The following LIN28B variants were observed in gnomAD, a reference collection of about 807,000 sequenced individuals.
LIN28B encodes lin-28 RNA binding posttranscriptional regulator B, also known as protein lin-28 homolog B.
Under a neutral mutation model 21.9 loss-of-function variants are expected in LIN28B, and 5 were observed. The observed-to-expected ratio is 0.23, with a 90% CI of 0.12 to 0.48. The LOEUF (loss-of-function observed/expected upper bound fraction) is 0.48. Among genes scored for constraint, LIN28B ranks in the 20% least tolerant of loss-of-function variants. The pLI, the probability that LIN28B is intolerant of heterozygous loss-of-function variation, is 0.98. For synonymous variants in LIN28B, 109 were observed against 111.3 expected (o/e 0.98, Z 0.13); for missense variants, 245 against 310.5 (o/e 0.79, Z 1.58).
chr6:105,067,304 C>T (rs993324887), intron 3 of LIN28B, among the ~76,000 whole-genome samples: 8 of 152,162 alleles, frequency 5.3e-5, no homozygotes, highest in African/African-American at 1.9e-4. Context: ...GATCTTGCTT[C>T]CAACAAGGAT....
intron 2 of LIN28B, among the ~76,000 whole-genome samples, chr6:104,989,590 T>G (rs529923554): frequency 4.9e-5 from 7 of 142,476 alleles, no homozygotes; most frequent in South Asian, 2.3e-4. Flanking sequence ...TTTTTTTTTT[T>G]TTTTTTTTTT....
rs1042214725 is a variant in LIN28B at position 104,982,487 on chromosome 6, A to G, written c.198+24201A>G. Among the ~76,000 whole-genome samples, 3 of 152,190 alleles carry G rather than the reference A, an allele frequency of 2.0e-5. No homozygotes were observed. The East Asian group carries it at 5.8e-4, about 29-fold the overall frequency. On this transcript the variant is annotated intron_variant, in intron 2 of 3. Transcript: ENST00000345080. ...AAAAGTTGTTAAATAAGTTTGGGAA[A>G]TTCTTGGCTATACAAAATTCAATCC...
chr6:104,982,313 C>CA (rs146674332), intron 2 of LIN28B, among the ~76,000 whole-genome samples: 29,263 of 125,388 alleles, frequency 0.23, 3,013 homozygotes, highest in East Asian at 0.29. Flanking sequence ...GACTTCATCT[C>CA]AAAAAAAAAA....
chr6:105,048,353 A>G (rs1197621771), intron 3 of LIN28B, among the ~76,000 whole-genome samples: 1 of 152,226 alleles, frequency 6.6e-6, no homozygotes, highest in Admixed American at 6.5e-5. Flanking sequence ...CCAGCCTTGC[A>G]TCCCAGGGAT....
At chr6:104,980,833 T>C (rs968455381) in intron 2 of LIN28B, among the ~76,000 whole-genome samples, 1 of 152,156 alleles carries the variant, frequency 6.6e-6, no homozygotes, top group Non-Finnish European at 1.5e-5. Flanking sequence ...ACTCATTTTA[T>C]CAGCAGAGCC....
intron 2 of LIN28B, among the ~76,000 whole-genome samples, chr6:105,015,865 C>T (rs1771016306): frequency 2.0e-5 from 3 of 152,060 alleles, no homozygotes; most frequent in Non-Finnish European, 2.9e-5. Context: ...TAAAATTTCA[C>T]ATGGAGAGGA....
At chr6:104,975,681 T>G (rs1770075658) in intron 2 of LIN28B, among the ~76,000 whole-genome samples, 1 of 151,808 alleles carries the variant, frequency 6.6e-6, no homozygotes, top group South Asian at 2.1e-4. Context: ...CAAGACCTTG[T>G]TCTGTCTCCC....
chr6:104,984,767 A>C (rs534244581), intron 2 of LIN28B, among the ~76,000 whole-genome samples: 2 of 152,368 alleles, frequency 1.3e-5, no homozygotes, highest in Admixed American at 1.3e-4. Context: ...AAAGTAAAAC[A>C]ACAAAGACAA....
At chr6:104,982,255 G>A (rs62419610) in intron 2 of LIN28B, among the ~76,000 whole-genome samples, 538 of 151,816 alleles carry the variant, frequency 3.5e-3, no homozygotes, top group Middle Eastern at 0.024. Context: ...CAGAGGTTGC[G>A]GTGATCTGAG....
intron 2 of LIN28B, among the ~76,000 whole-genome samples, chr6:105,024,821 A>G (rs1038861278): frequency 6.6e-6 from 1 of 152,318 alleles, no homozygotes; most frequent in Admixed American, 6.5e-5. Context: ...AGCTGCCTTT[A>G]GAGTCATGGA....
chr6:105,023,299 T>A (rs541198056), intron 2 of LIN28B, among the ~76,000 whole-genome samples: 17,235 of 38,530 alleles, frequency 0.45, 4,627 homozygotes, highest in East Asian at 0.6. Context: ...ATATATATAT[T>A]TATATATAAT....
chr6:105,055,109 C>T (rs1314941179), intron 3 of LIN28B, among the ~76,000 whole-genome samples: 1 of 151,878 alleles, frequency 6.6e-6, no homozygotes, highest in Admixed American at 6.6e-5. Context: ...TTATGATGCA[C>T]CAAAGTGTGG....
At chr6:104,976,769 T>C (rs1770104056) in intron 2 of LIN28B, among the ~76,000 whole-genome samples, 1 of 152,150 alleles carries the variant, frequency 6.6e-6, no homozygotes, top group East Asian at 1.9e-4. Context: ...AAGGCCAATG[T>C]CTGGTTAGAG....
At chr6:105,002,069 G>A (rs563759188) in intron 2 of LIN28B, among the ~76,000 whole-genome samples, 21 of 152,030 alleles carry the variant, frequency 1.4e-4, no homozygotes, top group Non-Finnish European at 2.9e-4. Flanking sequence ...GAGCAGAGTT[G>A]TGGAACTTGT....
At chr6:105,025,578 T>C (rs895580707) in intron 2 of LIN28B, among the ~76,000 whole-genome samples, 3 of 152,154 alleles carry the variant, frequency 2.0e-5, no homozygotes, top group African/African-American at 7.2e-5. Flanking sequence ...AACGACTCTT[T>C]AGTGTCTGTT....
intron 2 of LIN28B, among the ~76,000 whole-genome samples, chr6:105,019,032 G>A (rs567484523): frequency 3.6e-4 from 54 of 151,550 alleles, no homozygotes; most frequent in Middle Eastern, 3.4e-3. Context: ...TGCAACCTCC[G>A]CCTCCCGGGT....
At chr6:104,942,676 C>T (rs1393280450) in intron 2 of LIN28B, among the ~76,000 whole-genome samples, 3 of 152,110 alleles carry the variant, frequency 2.0e-5, no homozygotes, top group African/African-American at 7.2e-5. Flanking sequence ...AATTATTTAT[C>T]TTTGCATGTA....
At chr6:104,950,916 A>G in intron 3 of LIN28B, among the ~76,000 whole-genome samples, 1 of 152,222 alleles carries the variant, frequency 6.6e-6, no homozygotes, top group East Asian at 1.9e-4. Context: ...TAAATTAAAA[A>G]TGGAGACATG....
intron 3 of LIN28B, among the ~76,000 whole-genome samples, chr6:105,066,821 A>T (rs1343330093): frequency 6.6e-6 from 1 of 152,080 alleles, no homozygotes; most frequent in East Asian, 1.9e-4. Flanking sequence ...ACATATATAT[A>T]TATATGTAAA....
Sources: gnomAD v4.1 joint callset for allele counts (sites outside exome capture counted in the v4.1 genomes callset) on GRCh38, gnomAD v4.1.1 for gene constraint, MANE v1.5 for transcripts, NCBI Gene and HGNC (gene_info 2026-07-23, HGNC 2026-07-21) for gene names.